YME1L1: variants seen among roughly 807,000 people sequenced by gnomAD.
YME1L1 encodes the protein ATP-dependent zinc metalloprotease YME1L1.
A neutral mutation model predicts 90.4 loss-of-function variants in YME1L1; 39 were observed. The ratio of observed to expected loss-of-function variants is 0.43; its 90% CI spans 0.33 to 0.56. The LOEUF (loss-of-function observed/expected upper bound fraction) is 0.56, where lower values mean the gene tolerates loss of function less well. Among genes scored for constraint, YME1L1 ranks in the 20% least tolerant of loss-of-function variants. The pLI is 0.03. For missense variants in YME1L1, 617 were observed against 868.4 expected, an observed-to-expected ratio of 0.71 and a Z score of 3.64; for synonymous variants, 284 against 287.3, an observed-to-expected ratio of 0.99 and a Z score of 0.12.
intron 3 of YME1L1, among the ~76,000 whole-genome samples, chr10:27,145,062 A>T (rs1161637909): frequency 6.6e-6 from 1 of 151,984 alleles, no homozygotes; most frequent in African/African-American, 2.4e-5. Context: ...AATGGTGTGA[A>T]CCCGGGAGGC....
intron 8 of YME1L1, among the ~76,000 whole-genome samples, chr10:27,127,049 A>G (rs1402115054): frequency 6.6e-6 from 1 of 152,258 alleles, no homozygotes; most frequent in East Asian, 1.9e-4. Flanking sequence ...AGAAAACAAA[A>G]GTCAAGTACA....
At chr10:27,115,783 C>T (rs1588581822) in intron 17 of YME1L1, among the ~76,000 whole-genome samples, 1 of 152,174 alleles carries the variant, frequency 6.6e-6, no homozygotes, top group Admixed American at 6.5e-5. Context: ...AGAAAGTAGA[C>T]TCTTTCATGC....
rs559504445 is a variant in YME1L1, at chr10:27,135,657, A to G, written c.540+619T>C. On this transcript the variant is annotated intron_variant, in intron 5 of 18. Coordinates refer to ENST00000376016, the MANE Select transcript of YME1L1 (RefSeq NM_014263.4). Reference sequence around the variant, plus strand: ...TTCAATGCCAAGAGAGGAGCAGGGAAACAGAGGGGCATATTGAATGGTGAG... The same window carrying G: ...TTCAATGCCAAGAGAGGAGCAGGGAGACAGAGGGGCATATTGAATGGTGAG... 3.3e-5 allele frequency among the ~76,000 whole-genome samples: 5 copies of G among 152,330 alleles called. No homozygotes were observed. The South Asian group carries it at 1.0e-3, about 32-fold the overall frequency.
chr10:27,141,196 G>A (rs557177526), intron 4 of YME1L1, among the ~76,000 whole-genome samples: 1 of 152,230 alleles, frequency 6.6e-6, no homozygotes, highest in South Asian at 2.1e-4. Flanking sequence ...GGAGTTCTGA[G>A]ACCAGCCCGG....
At chr10:27,127,512 T>C (rs1192110749) in intron 8 of YME1L1, among the ~76,000 whole-genome samples, 1 of 152,170 alleles carries the variant, frequency 6.6e-6, no homozygotes. Context: ...TTGCACCGTG[T>C]TGTAGTATTC....
intron 1 of YME1L1, chr10:27,153,318 G>C (rs788221): frequency 0.11 from 50,919 of 463,280 alleles, 3,403 homozygotes; most frequent in Middle Eastern, 0.17. Context: ...AAATGAGGGG[G>C]AGTAAAAGTT....
intron 2 of YME1L1, chr10:27,147,754 C>A: frequency 6.6e-7 from 1 of 1,518,048 alleles, no homozygotes; most frequent in Non-Finnish European, 8.9e-7. Flanking sequence ...TCTATAGCAT[C>A]TGGCTCCTGT....
At chr10:27,125,870 C>T (rs2056913888) in intron 9 of YME1L1, among the ~76,000 whole-genome samples, 1 of 151,872 alleles carries the variant, frequency 6.6e-6, no homozygotes, top group Non-Finnish European at 1.5e-5. Flanking sequence ...ACTCCAATGG[C>T]CCCTGGTTCA....
intron 8 of YME1L1, among the ~76,000 whole-genome samples, chr10:27,127,038 G>C (rs1037771003): frequency 6.6e-6 from 1 of 152,156 alleles, no homozygotes; most frequent in African/African-American, 2.4e-5. Context: ...TTTTCTCAGT[G>C]AGAAAACAAA....
At chr10:27,135,005 G>C (rs1481367579) in intron 5 of YME1L1, 24 bp from the exon 6 acceptor site, 1 of 1,597,638 alleles carries the variant, frequency 6.3e-7, no homozygotes, top group African/African-American at 1.3e-5. Flanking sequence ...CAACACATCA[G>C]TACTGGTTAA....
chr10:27,131,162 C>CACCT (rs1242428917), intron 8 of YME1L1, among the ~76,000 whole-genome samples: 1 of 152,184 alleles, frequency 6.6e-6, no homozygotes, highest in African/African-American at 2.4e-5. Flanking sequence ...CCATTTAAAA[C>CACCT]TGTAAGCCTT....
At chr10:27,147,459 A>C in intron 2 of YME1L1, 1 of 1,614,208 alleles carries the variant, frequency 6.2e-7, no homozygotes, top group South Asian at 1.1e-5. Context: ...GACAAAACAA[A>C]TCATAGACAA....
chr10:27,134,023 T>C lies in YME1L1; in HGVS notation c.775+16A>G. Reference sequence around the variant, plus strand: ...AGGAATAAGAAATAAGTTAGACAAATAAAAAAAGCTTTTACCAGATAAAAA... The same window carrying C: ...AGGAATAAGAAATAAGTTAGACAAACAAAAAAAGCTTTTACCAGATAAAAA... On this transcript the variant is annotated intron_variant, in intron 7 of 18. Coordinates refer to ENST00000376016, the MANE Select transcript of YME1L1 (RefSeq NM_014263.4). The C allele has an allele frequency of 6.4e-7, 1 of 1,564,714 alleles. No homozygotes were observed. The highest frequency in any genetic ancestry group is 1.1e-5 in the South Asian group (1 of 87,306).
chr10:27,120,568 GA>G, intron 12 of YME1L1, 21 bp from the exon 13 acceptor site: 1 of 1,581,678 alleles, frequency 6.3e-7, no homozygotes, highest in South Asian at 1.1e-5. Flanking sequence ...AATGCAAAAG[GA>G]AAATATAAAT....
rs2056882670 is a variant in YME1L1 at position 27,123,072 on chromosome 10, AC to A, written c.1103-100del. On this transcript the variant is annotated intron_variant, in intron 10 of 18. Transcript: ENST00000376016. The stretch of plus-strand genomic sequence containing the variant: ...AATCCTATACAACTGTCAAAAGCCA[AC>A]AAAAAATATTCACTGAAAGAAAAGG... The A allele has an allele frequency of 2.6e-5, 37 of 1,415,108 alleles. 1 individual carries two copies. In the South Asian group the frequency reaches 4.8e-4, roughly 18 times the overall value. The allele number at this position is 1,415,108 out of a possible 1,614,324, so 87.7% of individuals were successfully genotyped here. A position where few individuals can be genotyped will look rare whatever the true frequency, so the allele number is the denominator to read the frequency against.
At chr10:27,137,100 T>C (rs1236129159) in intron 4 of YME1L1, among the ~76,000 whole-genome samples, 6 of 151,838 alleles carry the variant, frequency 4.0e-5, no homozygotes, top group South Asian at 2.1e-4. Context: ...TTTTTGGTAA[T>C]TACATAATGT....
chr10:27,144,587 T>TA (rs941406995), intron 3 of YME1L1, among the ~76,000 whole-genome samples: 5 of 151,338 alleles, frequency 3.3e-5, no homozygotes, highest in Admixed American at 6.6e-5. Flanking sequence ...GAGATTCAAG[T>TA]AAAAAAAAAT....
At chr10:27,145,853 A>T (rs1317454987) in intron 2 of YME1L1, 1 of 239,010 alleles carries the variant, frequency 4.2e-6, no homozygotes. Context: ...ATGAATGAGA[A>T]AAACTTTTTT....
intron 1 of YME1L1, 102 bp downstream of exon 1, chr10:27,154,076 C>T (rs1429089809): frequency 3.2e-5 from 46 of 1,445,012 alleles, no homozygotes; most frequent in African/African-American, 8.5e-5. Flanking sequence ...TACATCACTT[C>T]ATTTCTAGAG....
Sources: gnomAD v4.1 joint callset for allele counts (sites outside exome capture counted in the v4.1 genomes callset) on GRCh38, gnomAD v4.1.1 for gene constraint, MANE v1.5 for transcripts, NCBI Gene and HGNC (gene_info 2026-07-23, HGNC 2026-07-21) for gene names.